The following COX7B2 variants were observed in gnomAD, a reference collection of about 807,000 sequenced individuals.
COX7B2 encodes the protein cytochrome c oxidase subunit 7B2, mitochondrial.
For missense variants in COX7B2, 109 were observed against 95.9 expected, an observed-to-expected ratio of 1.14 and a Z score of -0.57; for synonymous variants, 37 against 32.1, an observed-to-expected ratio of 1.15 and a Z score of -0.51.
chr4:46,883,220 G>A (rs1376959777), intron 1 of COX7B2, among the ~76,000 whole-genome samples: 1 of 152,190 alleles, frequency 6.6e-6, no homozygotes, highest in Non-Finnish European at 1.5e-5. Flanking sequence ...GTTTAACCAT[G>A]AGAAGGACAT....
intron 2 of COX7B2, among the ~76,000 whole-genome samples, chr4:46,841,416 G>C (rs79857707): frequency 0.02 from 2,994 of 151,324 alleles, 92 homozygotes; most frequent in African/African-American, 0.069. Context: ...GGGCAGAAAT[G>C]AGGGTAAAAT....
intron 2 of COX7B2, among the ~76,000 whole-genome samples, chr4:46,835,490 G>T (rs1315478139): frequency 6.6e-6 from 1 of 152,060 alleles, no homozygotes; most frequent in Non-Finnish European, 1.5e-5. Context: ...GAATCATGGT[G>T]GAAGAAGAGT....
intron 1 of COX7B2, among the ~76,000 whole-genome samples, chr4:46,888,196 A>C (rs1261143706): frequency 6.6e-6 from 1 of 152,166 alleles, no homozygotes; most frequent in East Asian, 1.9e-4. Context: ...TTTGAGAGAA[A>C]GGCTTTTGCA....
chr4:46,744,699 C>T (rs1023045916), intron 2 of COX7B2, among the ~76,000 whole-genome samples: 4 of 150,216 alleles, frequency 2.7e-5, no homozygotes, highest in African/African-American at 7.3e-5. Context: ...ATACAGGAAA[C>T]ATTGGCCTGT....
At chr4:46,813,312 T>C (rs1308539886) in intron 2 of COX7B2, among the ~76,000 whole-genome samples, 1 of 152,160 alleles carries the variant, frequency 6.6e-6, no homozygotes, top group Non-Finnish European at 1.5e-5. Context: ...GCAGTAAACA[T>C]GGGAGTGCAA....
intron 1 of COX7B2, among the ~76,000 whole-genome samples, chr4:46,891,866 C>A (rs1482839623): frequency 1.3e-5 from 2 of 152,180 alleles, no homozygotes; most frequent in Non-Finnish European, 2.9e-5. Flanking sequence ...ACTATTCTGA[C>A]ACAATGAAGA....
At chr4:46,880,393 A>C (rs1283193576) in intron 1 of COX7B2, among the ~76,000 whole-genome samples, 1 of 148,000 alleles carries the variant, frequency 6.8e-6, no homozygotes, top group Non-Finnish European at 1.5e-5. Flanking sequence ...AATTCAGCAT[A>C]AATCTATCAG....
At chr4:46,745,690 G>T (rs186525416) in intron 2 of COX7B2, among the ~76,000 whole-genome samples, 6 of 152,162 alleles carry the variant, frequency 3.9e-5, no homozygotes, top group African/African-American at 1.4e-4. Context: ...TTTGGGGCAG[G>T]GTGCTTATTT....
intron 2 of COX7B2, among the ~76,000 whole-genome samples, chr4:46,800,820 A>T (rs116432635): frequency 0.011 from 1,672 of 152,294 alleles, 19 homozygotes; most frequent in Middle Eastern, 0.041. Flanking sequence ...AACAGAATAA[A>T]CAGACAACTC....
At chr4:46,865,656 A>G (rs1264190414) in intron 1 of COX7B2, among the ~76,000 whole-genome samples, 2 of 152,168 alleles carry the variant, frequency 1.3e-5, no homozygotes, top group Non-Finnish European at 2.9e-5. Flanking sequence ...GTCCACCCAG[A>G]CATCATGCTG....
At chr4:46,799,228 C>T (rs1214388606) in intron 2 of COX7B2, among the ~76,000 whole-genome samples, 1 of 152,046 alleles carries the variant, frequency 6.6e-6, no homozygotes, top group East Asian at 1.9e-4. Flanking sequence ...TGAAACTTTA[C>T]TAAAGTTGTT....
intron 1 of COX7B2, among the ~76,000 whole-genome samples, chr4:46,875,010 C>T (rs1181484533): frequency 1.3e-5 from 2 of 152,118 alleles, no homozygotes; most frequent in African/African-American, 2.4e-5. Context: ...TGCTTCACAC[C>T]TCCCCCTTTG....
chr4:46,738,786 G>T (rs560850704), intron 2 of COX7B2, among the ~76,000 whole-genome samples: 86 of 152,136 alleles, frequency 5.7e-4, no homozygotes, highest in African/African-American at 1.9e-3. Flanking sequence ...ACTACAAAAA[G>T]ATAGAGGAAG....
chr4:46,901,956 T>A (rs1720091799), intron 1 of COX7B2, among the ~76,000 whole-genome samples: 1 of 152,234 alleles, frequency 6.6e-6, no homozygotes, highest in South Asian at 2.1e-4. Flanking sequence ...TGGTTCCCCA[T>A]CTTGGGACAA....
intron 1 of COX7B2, among the ~76,000 whole-genome samples, chr4:46,887,659 T>A (rs1719158743): frequency 7.2e-6 from 1 of 138,534 alleles, no homozygotes; most frequent in African/African-American, 2.8e-5. Flanking sequence ...TGCAGTGAGC[T>A]GAGATTGTGC....
intron 1 of COX7B2, among the ~76,000 whole-genome samples, chr4:46,892,888 T>C (rs1411437717): frequency 6.6e-6 from 1 of 152,158 alleles, no homozygotes; most frequent in African/African-American, 2.4e-5. Flanking sequence ...ATTTCCCCCA[T>C]GCTATTCTCA....
chr4:46,831,098 G>A (rs986692781), intron 2 of COX7B2, among the ~76,000 whole-genome samples: 3 of 152,178 alleles, frequency 2.0e-5, no homozygotes, highest in African/African-American at 4.8e-5. Flanking sequence ...CTAGAGTTCC[G>A]GGTGGGCATG....
intron 2 of COX7B2, among the ~76,000 whole-genome samples, chr4:46,774,108 A>C (rs943410076): frequency 6.6e-6 from 1 of 152,264 alleles, no homozygotes; most frequent in East Asian, 1.9e-4. Context: ...GTTTCAGTCA[A>C]GATGTTCACG....
In COX7B2 at chr4:46,864,515, G is replaced by A. The variant is rs542213434; in HGVS notation, c.-104-19501C>T. Among the ~76,000 whole-genome samples the A allele has an allele frequency of 3.7e-4, 57 of 152,198 alleles. 1 individual carries two copies. Among genetic ancestry groups the A allele is most frequent in the African/African-American group, 1.4e-3 (57 of 41,508 alleles). ...CAAAATATTTTTTTGTGAAATGATCGTGTGCTGTCTCAGGTGGGCAGTTAA... is the reference window on the plus strand; with the variant it reads ...CAAAATATTTTTTTGTGAAATGATCATGTGCTGTCTCAGGTGGGCAGTTAA... On this transcript the variant is annotated intron_variant, in intron 1 of 2. Transcript: ENST00000355591.
Sources: allele counts gnomAD v4.1 joint callset (sites outside exome capture counted in the v4.1 genomes callset), GRCh38; gene constraint gnomAD v4.1.1; transcripts MANE v1.5; gene names NCBI Gene and HGNC (gene_info 2026-07-23, HGNC 2026-07-21).